KCNQ2: variants seen among roughly 807,000 people sequenced by gnomAD.
The protein encoded by KCNQ2 is potassium voltage-gated channel subfamily KQT member 2.
In KCNQ2, 14 loss-of-function variants were observed where a neutral mutation model predicts 84.8. That is an observed-to-expected ratio of 0.17 (90% CI 0.11 to 0.26). KCNQ2 has a LOEUF of 0.26. KCNQ2 is among the 10% of genes least tolerant of loss of function. KCNQ2 has a pLI of 1.00. For missense variants in KCNQ2, 788 were observed against 1,254.0 expected, an observed-to-expected ratio of 0.63 and a Z score of 5.61; for synonymous variants, 599 against 554.1, an observed-to-expected ratio of 1.08 and a Z score of -1.14.
intron 11 of KCNQ2, among the ~76,000 whole-genome samples, chr20:63,421,236 G>A (rs569523623): frequency 4.0e-4 from 61 of 152,212 alleles, no homozygotes; most frequent in Admixed American, 6.5e-4. Flanking sequence ...CAATGGGATC[G>A]TCCTGTAGCC....
Position 63,406,758 on chromosome 20 carries a change from C to T in KCNQ2, c.2505G>A (p.Ala835=), listed in dbSNP as rs764615246. ...APCAKVRPYI[A]EGESDTDSDL... is the part of the protein sequence containing the mutation. ...CGGAGTCGGTGTCTGACTCTCCCTC[C>T]GCAATGTAGGGCCTGACTTTGGCAC... The change falls in exon 17 of 17, where the codon GCG becomes GCA. Residue 835 remains alanine, a synonymous_variant. Coordinates refer to ENST00000359125, the MANE Select transcript of KCNQ2 (RefSeq NM_172107.4). 22 of 1,612,274 alleles carry T rather than the reference C, an allele frequency of 1.4e-5. No homozygotes were observed. Among genetic ancestry groups the T allele is most frequent in the Middle Eastern group, 1.6e-4 (1 of 6,062 alleles).
At chr20:63,413,379 C>T in intron 15 of KCNQ2, 71 bp downstream of exon 15, 1 of 1,593,590 alleles carries the variant, frequency 6.3e-7, no homozygotes, top group Non-Finnish European at 8.6e-7. Flanking sequence ...CCACCATGGG[C>T]CACAGTGGGC....
intron 12 of KCNQ2, 141 bp from the exon 13 acceptor site, chr20:63,415,267 G>T: frequency 1.3e-6 from 1 of 783,754 alleles, no homozygotes; most frequent in South Asian, 1.5e-5. Context: ...CCAGCCACAC[G>T]GGTGGCTCAG....
rs767485841 is a variant in KCNQ2 at position 63,407,141 on chromosome 20, G to C, written c.2122C>G (p.Pro708Ala). ...QKNFSAPPAA[P>A]PVQCPPSTSW... Reference sequence around the variant, plus strand: ...GTGGAGGGCGGACACTGGACAGGGGGCGCGGCCGGGGGCGCCGAGAAGTTC... The same window carrying C: ...GTGGAGGGCGGACACTGGACAGGGGCCGCGGCCGGGGGCGCCGAGAAGTTC... Residue 708 changes from proline to alanine, a missense_variant, in exon 17 of 17, where the codon CCC becomes GCC. By Grantham distance (27) the Pro-to-Ala change is conservative. Transcript: ENST00000359125. This position sits in a 1 kb window ranked among gnomAD's most constrained non-coding sequence, Gnocchi z 7.2. The C allele has an allele frequency of 3.8e-6, 6 of 1,570,406 alleles. No homozygotes were observed. The Admixed American group carries it at 9.1e-5, about 24-fold the overall frequency.
chr20:63,428,063 T>C (rs138822785), intron 10 of KCNQ2, among the ~76,000 whole-genome samples: 382 of 152,266 alleles, frequency 2.5e-3, no homozygotes, highest in African/African-American at 8.7e-3. Context: ...GCTGGGACAC[T>C]TTGTCGTACG....
intron 1 of KCNQ2, among the ~76,000 whole-genome samples, chr20:63,461,439 T>C (rs540649251): frequency 9.2e-5 from 14 of 152,214 alleles, no homozygotes; most frequent in Non-Finnish European, 1.9e-4. Flanking sequence ...CCCTTCCCCA[T>C]AGCTGCCCAG....
intron 12 of KCNQ2, among the ~76,000 whole-genome samples, chr20:63,418,445 C>T (rs989332252): frequency 6.6e-6 from 1 of 152,190 alleles, no homozygotes; most frequent in Non-Finnish European, 1.5e-5. Context: ...AGCTGGTGTC[C>T]GGACCAACGA....
chr20:63,436,656 ATTGT>A (rs746596609), intron 7 of KCNQ2, among the ~76,000 whole-genome samples: 8 of 152,008 alleles, frequency 5.3e-5, no homozygotes, highest in Non-Finnish European at 1.2e-4. Flanking sequence ...GGCTCAGGTG[ATTGT>A]TAGTATTTTT....
At chr20:63,461,163 T>C (rs2081936416) in intron 1 of KCNQ2, 1 of 152,214 alleles carries the variant, frequency 6.6e-6, no homozygotes, top group South Asian at 2.1e-4. Context: ...CAAACGTTTA[T>C]TTAAGAAACG....
chr20:63,463,755 C>T (rs908983109), intron 1 of KCNQ2: 1 of 152,188 alleles, frequency 6.6e-6, no homozygotes, highest in East Asian at 1.9e-4. Flanking sequence ...GCTTACGTCA[C>T]GGGTAAGGGC....
At chr20:63,441,610 C>T (rs1258144188) in intron 5 of KCNQ2, among the ~76,000 whole-genome samples, 3 of 152,042 alleles carry the variant, frequency 2.0e-5, no homozygotes, top group African/African-American at 7.2e-5. Flanking sequence ...TCAGGACGCC[C>T]CGGGCCCCAC....
At chr20:63,442,574 A>G (rs1402122135) in intron 4 of KCNQ2, 43 bp from the exon 5 acceptor site, 1 of 1,591,560 alleles carries the variant, frequency 6.3e-7, no homozygotes, top group East Asian at 2.3e-5. Flanking sequence ...CCATCACCAG[A>G]AGCATCACCA....
At chr20:63,444,531 G>T in intron 4 of KCNQ2, 128 bp downstream of exon 4, 1 of 684,374 alleles carries the variant, frequency 1.5e-6, no homozygotes, top group Non-Finnish European at 2.2e-6. Context: ...TCCAGCCAGA[G>T]CCACCACTGA....
intron 10 of KCNQ2, among the ~76,000 whole-genome samples, chr20:63,426,347 A>G (rs529204302): frequency 6.5e-4 from 99 of 152,306 alleles, no homozygotes; most frequent in South Asian, 4.6e-3. Flanking sequence ...TGCCTTCAGC[A>G]TGAGGCTGTC....
rs769833989 is a variant in KCNQ2 at position 63,408,398 on chromosome 20, C to T, written c.1887+15G>A. ...GCCCTCCAGCCCCGCACCCCTCCCGCCCAGCCTCTCGCACCTGCTTCTCCA... is the reference window on the plus strand; with the variant it reads ...GCCCTCCAGCCCCGCACCCCTCCCGTCCAGCCTCTCGCACCTGCTTCTCCA... On this transcript the variant is annotated intron_variant, in intron 16 of 16. Coordinates refer to ENST00000359125, the MANE Select transcript of KCNQ2 (RefSeq NM_172107.4). This position sits in a 1 kb window ranked among gnomAD's most constrained non-coding sequence, Gnocchi z 5.0. The T allele has an allele frequency of 1.2e-6, 2 of 1,606,068 alleles. No individual in the cohort carries two copies. The highest frequency in any genetic ancestry group is 1.7e-5 in the Admixed American group (1 of 59,932).
chr20:63,458,612 G>A (rs2081867734), intron 1 of KCNQ2, among the ~76,000 whole-genome samples: 1 of 152,192 alleles, frequency 6.6e-6, no homozygotes, highest in Non-Finnish European at 1.5e-5. Context: ...GCCTGACCGA[G>A]CACTGTCCCC....
chr20:63,428,135 C>G (rs1422761570), intron 10 of KCNQ2, among the ~76,000 whole-genome samples: 4 of 152,134 alleles, frequency 2.6e-5, no homozygotes. Context: ...TCAACCTTCG[C>G]CCCTCCCTCT....
intron 8 of KCNQ2, 62 bp from the exon 9 acceptor site, chr20:63,431,431 A>G: frequency 1.3e-6 from 2 of 1,551,822 alleles, no homozygotes; most frequent in East Asian, 2.2e-5. Context: ...AGAACGGGAT[A>G]AGAAAAAGAA....
In KCNQ2 at chr20:63,446,037, G is replaced by A. The variant is rs1600793304; in HGVS notation, c.388-673C>T. The stretch of plus-strand genomic sequence containing the variant: ...CCCTGTCTGAGCTGGTTGGGGAGCT[G>A]CCCTGTCCAAGCTGGGGGACTCTAT... On this transcript the variant is annotated intron_variant, in intron 2 of 16. Coordinates refer to ENST00000359125, the MANE Select transcript of KCNQ2 (RefSeq NM_172107.4). This position sits in a 1 kb window ranked among gnomAD's most constrained non-coding sequence, Gnocchi z 5.5. 1 of 205,228 alleles carries A rather than the reference G, an allele frequency of 4.9e-6. No individual in the cohort carries two copies. 12.7% of individuals were successfully genotyped at this position (205,228 alleles called of 1,614,324 possible).
Sources: gnomAD v4.1 joint callset for allele counts (sites outside exome capture counted in the v4.1 genomes callset) on GRCh38, gnomAD v4.1.1 for gene constraint, Gnocchi (gnomAD v3.1) non-coding constraint, MANE v1.5 for transcripts, NCBI Gene and HGNC (gene_info 2026-07-23, HGNC 2026-07-21) for gene names.